Variants in RASSF6 observed in about 807,000 individuals in gnomAD.
RASSF6 encodes ras association domain-containing protein 6.
A neutral mutation model predicts 44.0 loss-of-function variants in RASSF6; 52 were observed. The ratio of observed to expected loss-of-function variants is 1.18; its 90% CI spans 0.95 to 1.49. RASSF6 has a LOEUF of 1.49. Ranked by LOEUF, RASSF6 falls within the 40% of genes most tolerant of loss-of-function variation. RASSF6 has a pLI of 0.00. For missense variants in RASSF6, 464 were observed against 393.3 expected (o/e 1.18, Z -1.52); for synonymous variants, 162 against 124.6 (o/e 1.30, Z -2.00).
chr4:73,599,685 A>T (rs1243297944), intron 2 of RASSF6, among the ~76,000 whole-genome samples: 1 of 152,182 alleles, frequency 6.6e-6, no homozygotes, highest in Admixed American at 6.5e-5. Context: ...GGATTATTGC[A>T]GCAGCCTCCT....
At chr4:73,605,903 C>T (rs958735483) in intron 2 of RASSF6, among the ~76,000 whole-genome samples, 2 of 152,104 alleles carry the variant, frequency 1.3e-5, no homozygotes, top group Non-Finnish European at 2.9e-5. Context: ...TTGTTGGCTG[C>T]TTGTATGTCT....
Position 73,611,806 on chromosome 4 carries a change from T to G in RASSF6, c.-11A>C, listed in dbSNP as rs1296117257. ...AGCCATCATAGTCATCTTTTCCTCC[T>G]TTTTGAGATGGTCTGAGGATATCCT... On this transcript the variant is annotated 5_prime_UTR_variant, in exon 2 of 11. Coordinates refer to ENST00000307439, the MANE Select transcript of RASSF6 (RefSeq NM_177532.5). 1 of 1,608,300 alleles carries G rather than the reference T, an allele frequency of 6.2e-7. No homozygotes were observed. The highest frequency in any genetic ancestry group is 1.7e-5 in the Admixed American group (1 of 59,972).
chr4:73,581,059 C>T (rs1370757441), intron 8 of RASSF6, among the ~76,000 whole-genome samples: 1 of 150,800 alleles, frequency 6.6e-6, no homozygotes, highest in Non-Finnish European at 1.5e-5. Context: ...ATTATAAGAA[C>T]TTTAATTTTA....
intron 3 of RASSF6, among the ~76,000 whole-genome samples, chr4:73,597,549 G>T (rs1725012197): frequency 6.6e-6 from 1 of 152,138 alleles, no homozygotes; most frequent in South Asian, 2.1e-4. Context: ...TAATCATTGA[G>T]GAAGACAGTG....
intron 4 of RASSF6, among the ~76,000 whole-genome samples, chr4:73,589,159 C>A (rs191393899): frequency 4.3e-4 from 65 of 152,172 alleles, no homozygotes; most frequent in Non-Finnish European, 7.6e-4. Context: ...AGAAGGTAAT[C>A]CTAATATATT....
chr4:73,593,619 A>T (rs1469404374), intron 3 of RASSF6, 26 bp from the exon 4 acceptor site: 1 of 1,602,132 alleles, frequency 6.2e-7, no homozygotes, highest in South Asian at 1.1e-5. Flanking sequence ...ATAATCCCCC[A>T]ATTGTTTTTG....
intron 1 of RASSF6, chr4:73,615,946 A>G: frequency 6.5e-7 from 1 of 1,548,938 alleles, no homozygotes; most frequent in South Asian, 1.2e-5. Flanking sequence ...TCTAGTACAA[A>G]TTAAATCAAA....
intron 2 of RASSF6, among the ~76,000 whole-genome samples, chr4:73,606,887 C>A (rs1284020725): frequency 6.6e-6 from 1 of 152,082 alleles, no homozygotes; most frequent in East Asian, 1.9e-4. Flanking sequence ...GCCTTTCAGC[C>A]CCCTGGACAT....
At chr4:73,590,362 C>G (rs977638444) in intron 4 of RASSF6, among the ~76,000 whole-genome samples, 1 of 152,148 alleles carries the variant, frequency 6.6e-6, no homozygotes, top group Non-Finnish European at 1.5e-5. Context: ...TGTCATTTAC[C>G]CCACGTTTAC....
chr4:73,593,270 C>T (rs34169741), intron 4 of RASSF6, among the ~76,000 whole-genome samples, 181 bp downstream of exon 4: 43,172 of 151,950 alleles, frequency 0.28, 7,683 homozygotes, highest in South Asian at 0.48. Flanking sequence ...CCTGCCTTGG[C>T]CTCCCGAAGT....
chr4:73,588,025 C>G, intron 4 of RASSF6, 91 bp from the exon 5 acceptor site: 1 of 731,848 alleles, frequency 1.4e-6, no homozygotes, highest in Non-Finnish European at 2.3e-6. Context: ...TATAGTAATA[C>G]TGTGGGCCTC....
At chr4:73,611,194 A>G (rs1725983316) in intron 2 of RASSF6, among the ~76,000 whole-genome samples, 1 of 152,094 alleles carries the variant, frequency 6.6e-6, no homozygotes, top group African/African-American at 2.4e-5. Flanking sequence ...TAGCTTGGCC[A>G]GTTTCAGTTT....
At chr4:73,602,721 G>T (rs1725356022) in intron 2 of RASSF6, among the ~76,000 whole-genome samples, 1 of 152,176 alleles carries the variant, frequency 6.6e-6, no homozygotes, top group East Asian at 1.9e-4. Context: ...TTTAAAATGG[G>T]TGATAAGAAA....
At position 73,612,495 on chromosome 4, in the gene RASSF6, TAA is replaced by T. The variant is rs201374059; in HGVS notation, c.-34-668_-34-667del. Among the ~76,000 whole-genome samples the T allele has an allele frequency of 1.5e-3, 210 of 142,964 alleles. 2 individuals are homozygous for T. The highest frequency in any genetic ancestry group is 5.0e-3 in the African/African-American group (196 of 39,032). The allele number at this position is 142,964 out of a possible 152,430, so 93.8% of individuals were successfully genotyped here. A position where few individuals can be genotyped will look rare whatever the true frequency, so the allele number is the denominator to read the frequency against. On this transcript the variant is annotated intron_variant, in intron 1 of 10. Coordinates refer to ENST00000307439, the MANE Select transcript of RASSF6 (RefSeq NM_177532.5). ...TTCAGTTTTCTTTTTTTTTTTTTTT[TAA>T]AAAAAAAAACGTTGTGTATAAGGGG...
chr4:73,607,102 C>A (rs1488685517), intron 2 of RASSF6, among the ~76,000 whole-genome samples: 2 of 152,172 alleles, frequency 1.3e-5, no homozygotes, highest in East Asian at 1.9e-4. Context: ...TAAGCAAACT[C>A]CTTGCTGCTA....
chr4:73,595,661 A>G (rs959071303), intron 3 of RASSF6, among the ~76,000 whole-genome samples: 1 of 152,046 alleles, frequency 6.6e-6, no homozygotes, highest in African/African-American at 2.4e-5. Flanking sequence ...ATAAATAATC[A>G]TTTTCCTAGT....
At chr4:73,609,053 G>A (rs1174946692) in intron 2 of RASSF6, among the ~76,000 whole-genome samples, 2 of 152,188 alleles carry the variant, frequency 1.3e-5, no homozygotes, top group African/African-American at 2.4e-5. Flanking sequence ...CTAAGGACAG[G>A]ATTGTACACG....
At chr4:73,609,506 A>G (rs1725867256) in intron 2 of RASSF6, among the ~76,000 whole-genome samples, 1 of 152,152 alleles carries the variant, frequency 6.6e-6, no homozygotes, top group South Asian at 2.1e-4. Flanking sequence ...CTATGCTATT[A>G]TTAATATCAG....
chr4:73,615,567 G>A (rs184944878), intron 1 of RASSF6, among the ~76,000 whole-genome samples: 8 of 152,316 alleles, frequency 5.3e-5, no homozygotes, highest in Admixed American at 5.2e-4. Flanking sequence ...AATCTATGTA[G>A]GCCCTGGGGC....
Sources: gnomAD v4.1 joint callset for allele counts (sites outside exome capture counted in the v4.1 genomes callset) on GRCh38, gnomAD v4.1.1 for gene constraint, MANE v1.5 for transcripts, NCBI Gene and HGNC (gene_info 2026-07-23, HGNC 2026-07-21) for gene names.